Variants in PHF21A observed in about 807,000 individuals in gnomAD.
PHF21A encodes PHD finger protein 21A.
A neutral mutation model predicts 82.5 loss-of-function variants in PHF21A; 11 were observed. That is an observed-to-expected ratio of 0.13 (90% CI 0.08 to 0.22). The LOEUF (loss-of-function observed/expected upper bound fraction) is 0.22, where lower values mean the gene tolerates loss of function less well. Among genes scored for constraint, PHF21A ranks in the 10% least tolerant of loss-of-function variants. The probability of loss-of-function intolerance (pLI) is 1.00; values close to 1 mark genes in which losing one functional copy is unlikely to be tolerated. For synonymous variants in PHF21A, 297 were observed against 302.8 expected (o/e 0.98, Z 0.20); for missense variants, 579 against 837.8 (o/e 0.69, Z 3.81).
intron 12 of PHF21A, 110 bp downstream of exon 12, chr11:45,950,096 T>C: frequency 2.3e-6 from 2 of 851,080 alleles, no homozygotes; most frequent in Non-Finnish European, 3.7e-6. Context: ...GGCTGAATCA[T>C]ACTCTATTTG....
At chr11:46,070,453 C>A (rs1384439105) in intron 6 of PHF21A, among the ~76,000 whole-genome samples, 1 of 152,038 alleles carries the variant, frequency 6.6e-6, no homozygotes, top group Non-Finnish European at 1.5e-5. Context: ...GCCTCAGCCT[C>A]CTGAGCAGCT....
intron 14 of PHF21A, among the ~76,000 whole-genome samples, chr11:45,946,877 C>T (rs1188235219): frequency 6.6e-6 from 1 of 152,132 alleles, no homozygotes; most frequent in Non-Finnish European, 1.5e-5. Context: ...TATTCTTATC[C>T]CTTGCTTTTA....
intron 6 of PHF21A, among the ~76,000 whole-genome samples, chr11:46,061,116 T>C (rs2096529892): frequency 6.6e-6 from 1 of 152,224 alleles, no homozygotes; most frequent in African/African-American, 2.4e-5. Flanking sequence ...ATCAGGTAGC[T>C]GTAGGTGTGT....
At chr11:45,956,771 G>A (rs748891753) in intron 10 of PHF21A, among the ~76,000 whole-genome samples, 12 of 152,112 alleles carry the variant, frequency 7.9e-5, no homozygotes, top group Non-Finnish European at 1.5e-4. Context: ...AACAAAAAAC[G>A]TAAGATATAC....
At chr11:46,033,026 T>C (rs2095900280) in intron 6 of PHF21A, among the ~76,000 whole-genome samples, 1 of 152,232 alleles carries the variant, frequency 6.6e-6, no homozygotes, top group East Asian at 1.9e-4. Context: ...GTTACTATTC[T>C]GAATTTCTTC....
chr11:46,087,624 C>T (rs2130470), intron 3 of PHF21A, among the ~76,000 whole-genome samples: 137,340 of 152,286 alleles, frequency 0.9, 62,099 homozygotes, highest in East Asian at 1. Context: ...AAACAAATTA[C>T]AGACATGTAT....
intron 6 of PHF21A, among the ~76,000 whole-genome samples, chr11:46,030,826 TGTGC>T (rs1555117394): frequency 1.8e-4 from 20 of 112,402 alleles, no homozygotes; most frequent in African/African-American, 6.8e-4. Flanking sequence ...TGTGCGTGTG[TGTGC>T]GTGTGTGTGT....
At chr11:45,967,494 A>G (rs2093513972) in intron 9 of PHF21A, among the ~76,000 whole-genome samples, 1 of 152,194 alleles carries the variant, frequency 6.6e-6, no homozygotes, top group African/African-American at 2.4e-5. Flanking sequence ...GGGGACCTTG[A>G]AGCCATGCCT....
At chr11:46,036,147 G>T (rs571568035) in intron 6 of PHF21A, among the ~76,000 whole-genome samples, 1 of 152,344 alleles carries the variant, frequency 6.6e-6, no homozygotes, top group South Asian at 2.1e-4. Context: ...GAATTTCGGA[G>T]ATGAGTGAAA....
intron 6 of PHF21A, among the ~76,000 whole-genome samples, chr11:46,008,107 C>T (rs1244826900): frequency 6.6e-6 from 1 of 152,138 alleles, no homozygotes; most frequent in Admixed American, 6.5e-5. Context: ...GCAAACTATC[C>T]CATTTTCTAT....
chr11:46,078,398 TTGATAAACACTCTCCATACTTA>T (rs1168845568), intron 5 of PHF21A, among the ~76,000 whole-genome samples: 1 of 152,196 alleles, frequency 6.6e-6, no homozygotes, highest in African/African-American at 2.4e-5. Flanking sequence ...TATTTGATAT[TTGATAAACACTCTCCATACTTA>T]TGACCTAGTA....
intron 7 of PHF21A, among the ~76,000 whole-genome samples, chr11:45,975,362 T>C (rs142085006): frequency 4.2e-5 from 5 of 119,932 alleles, no homozygotes; most frequent in Non-Finnish European, 6.6e-5. Context: ...TAAAATAAAA[T>C]AAAATAAAAT....
intron 6 of PHF21A, among the ~76,000 whole-genome samples, chr11:46,001,082 A>G (rs1308601370): frequency 5.9e-5 from 9 of 152,136 alleles, no homozygotes; most frequent in South Asian, 4.1e-4. Flanking sequence ...ATAGCTCAAC[A>G]TATCTTAACC....
rs1010017055 is a variant in PHF21A, at chr11:46,076,836, A to C, written c.88-17T>G. On this transcript the variant is annotated splice_polypyrimidine_tract_variant and intron_variant, in intron 5 of 18. Coordinates refer to ENST00000676320, the MANE Select transcript of PHF21A (RefSeq NM_001352027.3). ...GTCAGCATTCTGATTGGAAAGAAAA[A>C]ATATCTGTGAGAAAGATATTTCATT... The C allele has an allele frequency of 1.3e-6, 2 of 1,592,066 alleles. No individual in the cohort carries two copies. The highest frequency in any genetic ancestry group is 2.7e-5 in the African/African-American group (2 of 74,492).
chr11:46,076,223 T>C (rs1369716185), intron 6 of PHF21A, among the ~76,000 whole-genome samples: 3 of 152,234 alleles, frequency 2.0e-5, no homozygotes, highest in African/African-American at 7.2e-5. Flanking sequence ...CTGCCCTATA[T>C]AGAATAAGTC....
At chr11:45,967,730 T>A (rs1202225305) in intron 9 of PHF21A, among the ~76,000 whole-genome samples, 3 of 152,180 alleles carry the variant, frequency 2.0e-5, no homozygotes, top group African/African-American at 7.2e-5. Context: ...GTGCCAAGTG[T>A]GGCCCATGAA....
In PHF21A at chr11:45,946,039, G is replaced by A. The variant is rs148520597; in HGVS notation, c.1289-36C>T. ...AGAGAAGGGAACAAAAGGGAAAAAC[G>A]GGGAGGGAAAGAGAGGGGGAAAATG... On this transcript the variant is annotated intron_variant, in intron 14 of 18. Transcript: ENST00000676320. The A allele has an allele frequency of 3.5e-4, 566 of 1,614,088 alleles. 1 individual carries two copies. In the African/African-American group the frequency reaches 5.9e-3, roughly 17 times the overall value.
intron 7 of PHF21A, among the ~76,000 whole-genome samples, chr11:45,975,540 C>T (rs2093984924): frequency 6.6e-6 from 1 of 152,074 alleles, no homozygotes; most frequent in South Asian, 2.1e-4. Flanking sequence ...CAAATAGAAA[C>T]TTTTCCCTTT....
intron 4 of PHF21A, 55 bp from the exon 5 acceptor site, chr11:46,079,221 C>T: frequency 2.2e-6 from 3 of 1,351,582 alleles, no homozygotes; most frequent in East Asian, 2.3e-5. Flanking sequence ...CTCCCTATGG[C>T]TAATCAGGTT....
Sources: gnomAD v4.1 joint callset for allele counts (sites outside exome capture counted in the v4.1 genomes callset) on GRCh38, gnomAD v4.1.1 for gene constraint, MANE v1.5 for transcripts, NCBI Gene and HGNC (gene_info 2026-07-23, HGNC 2026-07-21) for gene names.